The following PSD3 variants were observed in gnomAD, a reference collection of about 807,000 sequenced individuals.
PSD3 encodes the protein pleckstrin and Sec7 domain containing 3.
Under a neutral mutation model 105.5 loss-of-function variants are expected in PSD3, and 49 were observed. That is an observed-to-expected ratio of 0.46 (90% CI 0.37 to 0.59). PSD3 has a LOEUF of 0.59. PSD3 is among the 20% of genes least tolerant of loss of function. PSD3 has a pLI of 0.00. For synonymous variants in PSD3, 557 were observed against 457.8 expected, an observed-to-expected ratio of 1.22 and a Z score of -2.77; for missense variants, 1,561 against 1,263.8, an observed-to-expected ratio of 1.24 and a Z score of -3.57.
intron 10 of PSD3, among the ~76,000 whole-genome samples, chr8:18,646,388 T>C (rs920779160): frequency 6.6e-6 from 1 of 151,972 alleles, no homozygotes; most frequent in African/African-American, 2.4e-5. Flanking sequence ...TAGTAAGTCA[T>C]TGCAAAAAAA....
At chr8:18,624,789 C>T (rs1442502944) in intron 11 of PSD3, among the ~76,000 whole-genome samples, 1 of 151,652 alleles carries the variant, frequency 6.6e-6, no homozygotes, top group Non-Finnish European at 1.5e-5. Flanking sequence ...GTATCTTAAT[C>T]TGTGAATTAT....
In PSD3 at chr8:19,075,540, T is replaced by C. The variant is rs1829439046; in HGVS notation, c.324+8666A>G. The stretch of plus-strand genomic sequence containing the variant: ...GGAGAAGTCCAAAACTCAAATCCTC[T>C]TTACATTCTTTCAATTCACCAAGCT... On this transcript the variant is annotated intron_variant, in intron 1 of 1. Transcript: ENST00000521475. Among the ~76,000 whole-genome samples, 3 of 152,232 alleles carry C rather than the reference T, an allele frequency of 2.0e-5. No individual in the cohort carries two copies. In the South Asian group the frequency reaches 6.2e-4, roughly 32 times the overall value.
chr8:18,657,045 A>G (rs1325435458), intron 9 of PSD3, among the ~76,000 whole-genome samples: 2 of 152,220 alleles, frequency 1.3e-5, no homozygotes, highest in African/African-American at 4.8e-5. Context: ...TGGATCAATT[A>G]GAACTTGAAG....
At chr8:18,671,191 C>G (rs763357661) in intron 9 of PSD3, among the ~76,000 whole-genome samples, 16 of 152,110 alleles carry the variant, frequency 1.1e-4, no homozygotes, top group Admixed American at 9.2e-4. Flanking sequence ...CCTGCTTCTA[C>G]GTCCTAGGAA....
Position 18,630,198 on chromosome 8 carries a change from C to A in PSD3, c.2410+2415G>T, listed in dbSNP as rs576853460. On this transcript the variant is annotated intron_variant, in intron 11 of 15. Coordinates refer to ENST00000327040, the MANE Select transcript of PSD3 (RefSeq NM_015310.4). Reference sequence around the variant, plus strand: ...CGAACTTCCTAACTTGCTACAAAGACAAAAGCCCCATGACACTTAAAACTG... The same window carrying A: ...CGAACTTCCTAACTTGCTACAAAGAAAAAAGCCCCATGACACTTAAAACTG... 2.6e-3 allele frequency among the ~76,000 whole-genome samples: 399 copies of A among 151,676 alleles called. 2 individuals carry two copies. Among genetic ancestry groups the A allele is most frequent in the Non-Finnish European group, 3.6e-3 (245 of 67,888 alleles).
At chr8:19,063,820 T>C (rs1586683474) in intron 1 of PSD3, among the ~76,000 whole-genome samples, 2 of 152,076 alleles carry the variant, frequency 1.3e-5, no homozygotes, top group East Asian at 3.9e-4. Context: ...ATCCGGCAAT[T>C]TCCTTGAAGC....
At chr8:18,794,996 A>G (rs1303700814) in intron 8 of PSD3, among the ~76,000 whole-genome samples, 2 of 152,228 alleles carry the variant, frequency 1.3e-5, no homozygotes, top group Non-Finnish European at 2.9e-5. Flanking sequence ...CCACTATTTA[A>G]GATTCTAGGC....
At chr8:19,016,324 G>C (rs1009064003), upstream of PSD3, among the ~76,000 whole-genome samples, 1 of 152,126 alleles carries the variant, frequency 6.6e-6, no homozygotes, top group Non-Finnish European at 1.5e-5. Context: ...ATGTGGTGTG[G>C]AGAGACTATA....
intron 12 of PSD3, among the ~76,000 whole-genome samples, chr8:18,594,972 G>C (rs1026625944): frequency 4.6e-5 from 7 of 151,686 alleles, no homozygotes; most frequent in Non-Finnish European, 7.4e-5. Flanking sequence ...AGCATATGTA[G>C]GAAAAATATA....
At chr8:18,610,410 T>C (rs1293372549) in intron 11 of PSD3, among the ~76,000 whole-genome samples, 2 of 152,200 alleles carry the variant, frequency 1.3e-5, no homozygotes, top group African/African-American at 2.4e-5. Context: ...TGCTGAGCTG[T>C]AACCAACCCA....
chr8:19,071,237 A>G (rs1290158252), intron 1 of PSD3, among the ~76,000 whole-genome samples: 1 of 151,550 alleles, frequency 6.6e-6, no homozygotes, highest in African/African-American at 2.4e-5. Flanking sequence ...TTTTTTATTT[A>G]TTTATTTTTT....
intron 4 of PSD3, 51 bp from the exon 5 acceptor site, chr8:18,804,949 A>C: frequency 7.2e-7 from 1 of 1,384,544 alleles, no homozygotes; most frequent in Admixed American, 2.1e-5. Flanking sequence ...TATATGGCAA[A>C]AAGGAAAATA....
intron 1 of PSD3, among the ~76,000 whole-genome samples, chr8:19,020,409 A>T (rs1001614581): frequency 2.6e-5 from 4 of 152,160 alleles, no homozygotes; most frequent in African/African-American, 9.7e-5. Context: ...CTATAAGTGC[A>T]AAGGCCCTGA....
chr8:18,659,542 G>T (rs1020407744), intron 9 of PSD3, among the ~76,000 whole-genome samples: 1 of 152,160 alleles, frequency 6.6e-6, no homozygotes, highest in Non-Finnish European at 1.5e-5. Context: ...CATCAACTAA[G>T]TACATTGTCT....
chr8:19,084,449 C>T (rs1368600374), exon 1 of PSD3: 2 of 455,826 alleles, frequency 4.4e-6, no homozygotes, highest in African/African-American at 4.0e-5. Flanking sequence ...ATCGGGGGTC[C>T]ATGCCCCACA....
At chr8:18,698,042 A>C (rs989848232) in intron 9 of PSD3, among the ~76,000 whole-genome samples, 4 of 152,070 alleles carry the variant, frequency 2.6e-5, no homozygotes, top group Admixed American at 2.0e-4. Context: ...GAATAAGTTA[A>C]CGAACTTAAG....
intron 2 of PSD3, among the ~76,000 whole-genome samples, chr8:18,891,600 T>A (rs79738369): frequency 1.1e-4 from 17 of 151,912 alleles, no homozygotes; most frequent in African/African-American, 2.9e-4. Context: ...AGCTGGTTTA[T>A]CCAACATCCA....
At chr8:18,625,561 C>G (rs1221632387) in intron 11 of PSD3, among the ~76,000 whole-genome samples, 1 of 152,124 alleles carries the variant, frequency 6.6e-6, no homozygotes, top group African/African-American at 2.4e-5. Flanking sequence ...CTTGAGACCT[C>G]CAGTTATCTA....
chr8:19,011,178 C>A (rs1826933831), intron 1 of PSD3, among the ~76,000 whole-genome samples: 1 of 152,100 alleles, frequency 6.6e-6, no homozygotes, highest in Non-Finnish European at 1.5e-5. Context: ...CCCATGTAAA[C>A]CTCAAACAAA....
Sources: allele counts gnomAD v4.1 joint callset (sites outside exome capture counted in the v4.1 genomes callset), GRCh38; gene constraint gnomAD v4.1.1; transcripts MANE v1.5; gene names NCBI Gene and HGNC (gene_info 2026-07-23, HGNC 2026-07-21).